Variants in AGPS observed in about 807,000 individuals in gnomAD.
AGPS encodes alkylglycerone phosphate synthase.
Under a neutral mutation model 90.7 loss-of-function variants are expected in AGPS, and 26 were observed. That is an observed-to-expected ratio of 0.29 (90% CI 0.21 to 0.40). The LOEUF is 0.40. AGPS is among the 10% of genes least tolerant of loss of function. The pLI, the probability that AGPS is intolerant of heterozygous loss-of-function variation, is 1.00. For missense variants in AGPS, 540 were observed against 816.1 expected (o/e 0.66, Z 4.12); for synonymous variants, 294 against 285.3 (o/e 1.03, Z -0.31).
chr2:177,511,173 C>T (rs1688859674), intron 16 of AGPS, among the ~76,000 whole-genome samples: 1 of 152,092 alleles, frequency 6.6e-6, no homozygotes, highest in Admixed American at 6.6e-5. Context: ...TATCACGGCT[C>T]ACTGCAGCCT....
intron 12 of AGPS, among the ~76,000 whole-genome samples, chr2:177,493,787 T>C (rs1045285465): frequency 6.6e-6 from 1 of 152,176 alleles, no homozygotes; most frequent in African/African-American, 2.4e-5. Context: ...CTGGCAGCAT[T>C]GTGCAGGATA....
chr2:177,486,359 A>G (rs1244141502), intron 11 of AGPS, among the ~76,000 whole-genome samples: 1 of 152,202 alleles, frequency 6.6e-6, no homozygotes, highest in East Asian at 1.9e-4. Context: ...TAGTTTGTAG[A>G]ACATACAAGT....
intron 2 of AGPS, among the ~76,000 whole-genome samples, chr2:177,424,628 TG>T (rs2105614108): frequency 6.6e-6 from 1 of 152,350 alleles, no homozygotes; most frequent in African/African-American, 2.4e-5. Context: ...CTGGGTCAAA[TG>T]GTATTTCTGC....
intron 16 of AGPS, among the ~76,000 whole-genome samples, chr2:177,513,159 A>G (rs1688928480): frequency 1.3e-5 from 2 of 152,176 alleles, no homozygotes; most frequent in African/African-American, 4.8e-5. Flanking sequence ...CAGTGGCGCA[A>G]CCATGGCTCA....
chr2:177,441,112 C>G (rs1553510044), intron 6 of AGPS, 76 bp downstream of exon 6: 3 of 1,220,362 alleles, frequency 2.5e-6, no homozygotes, highest in Non-Finnish European at 3.6e-6. Context: ...ATATTTGCGT[C>G]ACCCTACTGA....
chr2:177,393,450 A>G (rs1364383662), intron 1 of AGPS: 1 of 985,294 alleles, frequency 1.0e-6, no homozygotes, highest in Non-Finnish European at 1.2e-6. Context: ...TAGATGATAG[A>G]TCATAGGAAT....
chr2:177,497,634 G>A (rs1688447293), intron 12 of AGPS, 55 bp from the exon 13 acceptor site: 1 of 1,000,794 alleles, frequency 1.0e-6, no homozygotes, highest in Non-Finnish European at 1.4e-6. Context: ...GTAGCTTCTT[G>A]ATCTTCTGAA....
chr2:177,486,033 C>T (rs1444562578), intron 11 of AGPS, among the ~76,000 whole-genome samples: 3 of 152,212 alleles, frequency 2.0e-5, no homozygotes, highest in African/African-American at 4.8e-5. Context: ...AAGGTCCTTT[C>T]TAGTCTATAG....
chr2:177,425,962 A>G (rs1377301223), intron 2 of AGPS, among the ~76,000 whole-genome samples: 3 of 152,174 alleles, frequency 2.0e-5, no homozygotes, highest in Non-Finnish European at 2.9e-5. Context: ...AATAGCATTG[A>G]ATCTATAAAT....
At chr2:177,536,973 T>A (rs940510598) in intron 19 of AGPS, among the ~76,000 whole-genome samples, 2 of 152,184 alleles carry the variant, frequency 1.3e-5, no homozygotes, top group African/African-American at 4.8e-5. Context: ...AATACTTTAA[T>A]GAAAGAAGGT....
At position 177,491,429 on chromosome 2, in the gene AGPS, CT is replaced by C. The variant is rs1051275473; in HGVS notation, c.1234-1700del. Among the ~76,000 whole-genome samples, 812 of 118,246 alleles carry C rather than the reference CT, an allele frequency of 6.9e-3. 3 individuals are homozygous for C. The highest frequency in any genetic ancestry group is 9.3e-3 in the Middle Eastern group (2 of 214). 77.6% of individuals were successfully genotyped at this position (118,246 alleles called of 152,430 possible). On this transcript the variant is annotated intron_variant, in intron 11 of 19. Transcript: ENST00000264167. ...GTGTGCCACCATGTCTGACTAATTT[CT>C]TTTTTTTTTTTTTTTTTTGTATTTT...
At chr2:177,509,702 C>T (rs893986349) in intron 16 of AGPS, among the ~76,000 whole-genome samples, 8 of 149,494 alleles carry the variant, frequency 5.4e-5, no homozygotes, top group African/African-American at 2.0e-4. Context: ...GGCAGCTATT[C>T]ATAGTGGTCT....
At chr2:177,457,068 T>C (rs1383983786) in intron 8 of AGPS, among the ~76,000 whole-genome samples, 1 of 152,200 alleles carries the variant, frequency 6.6e-6, no homozygotes, top group Non-Finnish European at 1.5e-5. Context: ...ACTTGAAAAC[T>C]GAACAACCTG....
intron 8 of AGPS, among the ~76,000 whole-genome samples, chr2:177,460,012 G>GT (rs1166689167): frequency 6.6e-6 from 1 of 152,222 alleles, no homozygotes; most frequent in Non-Finnish European, 1.5e-5. Context: ...CATGTCCTTT[G>GT]TGGGGACATG....
At chr2:177,413,420 G>T (rs1456260690) in intron 1 of AGPS, among the ~76,000 whole-genome samples, 1 of 152,178 alleles carries the variant, frequency 6.6e-6, no homozygotes, top group Non-Finnish European at 1.5e-5. Context: ...CTTATGGATT[G>T]GTCAGTATAA....
At chr2:177,402,563 A>T (rs186321231) in intron 1 of AGPS, among the ~76,000 whole-genome samples, 49 of 151,884 alleles carry the variant, frequency 3.2e-4, no homozygotes, top group African/African-American at 1.2e-3. Flanking sequence ...TGTTTTGGGG[A>T]TCTTTTCTTT....
chr2:177,503,853 G>A (rs1313132911), intron 14 of AGPS, among the ~76,000 whole-genome samples: 2 of 152,078 alleles, frequency 1.3e-5, no homozygotes, highest in East Asian at 3.9e-4. Context: ...CTTTGAATTA[G>A]AAAATGCATG....
chr2:177,407,520 G>A (rs1402175943), intron 1 of AGPS, among the ~76,000 whole-genome samples: 2 of 152,084 alleles, frequency 1.3e-5, no homozygotes, highest in East Asian at 3.9e-4. Flanking sequence ...TTGAGGTTGG[G>A]TGTGGGAGGG....
At chr2:177,513,959 T>G in intron 17 of AGPS, 51 bp downstream of exon 17, 1 of 1,412,294 alleles carries the variant, frequency 7.1e-7, no homozygotes, top group Non-Finnish European at 1.0e-6. Flanking sequence ...AAAATGTTTT[T>G]TTTAATCAAG....
Sources: allele counts gnomAD v4.1 joint callset (sites outside exome capture counted in the v4.1 genomes callset), GRCh38; gene constraint gnomAD v4.1.1; transcripts MANE v1.5; gene names NCBI Gene and HGNC (gene_info 2026-07-23, HGNC 2026-07-21).